Variants in ITIH5 observed in about 807,000 individuals in gnomAD.
The protein encoded by ITIH5 is inter-alpha-trypsin inhibitor heavy chain 5.
A neutral mutation model predicts 77.5 loss-of-function variants in ITIH5; 65 were observed. The observed-to-expected ratio is 0.84, with a 90% CI of 0.69 to 1.03. The LOEUF is 1.03. Ranked by LOEUF, ITIH5 falls within the 50% of genes least tolerant of loss-of-function variation. ITIH5 has a pLI of 0.00. For missense variants in ITIH5, 1,208 were observed against 1,213.1 expected, an observed-to-expected ratio of 1.00 and a Z score of 0.06; for synonymous variants, 525 against 494.3, an observed-to-expected ratio of 1.06 and a Z score of -0.82.
chr10:7,582,142 G>A (rs1158872524), intron 8 of ITIH5, among the ~76,000 whole-genome samples: 2 of 152,104 alleles, frequency 1.3e-5, no homozygotes, highest in Non-Finnish European at 2.9e-5. Context: ...CCAAAGTGCT[G>A]GGATTACTGG....
At chr10:7,596,520 G>A (rs1832900759) in intron 7 of ITIH5, among the ~76,000 whole-genome samples, 1 of 152,132 alleles carries the variant, frequency 6.6e-6, no homozygotes, top group Admixed American at 6.6e-5. Flanking sequence ...AGGTTTTTGA[G>A]CATAAGACAA....
At chr10:7,594,984 A>G (rs558838714) in intron 7 of ITIH5, among the ~76,000 whole-genome samples, 28 of 152,328 alleles carry the variant, frequency 1.8e-4, no homozygotes, top group African/African-American at 6.0e-4. Flanking sequence ...TAAAAGCACA[A>G]TCCATAGTGA....
chr10:7,644,954 CACAT>C (rs754275884), intron 2 of ITIH5, among the ~76,000 whole-genome samples: 11 of 10,462 alleles, frequency 1.1e-3, no homozygotes, highest in South Asian at 5.3e-3. Context: ...ATATATATCA[CACAT>C]ATATATATAT....
intron 7 of ITIH5, among the ~76,000 whole-genome samples, chr10:7,603,884 G>A (rs936110125): frequency 2.6e-5 from 4 of 152,134 alleles, no homozygotes; most frequent in African/African-American, 9.7e-5. Context: ...CGCCCGGCCT[G>A]ATATGGGTAT....
rs1469512497 is a variant in ITIH5 at position 7,560,837 on chromosome 10, A to G, written c.*2246T>C. 6.6e-6 allele frequency: 1 copy of G among 152,176 alleles called. No homozygotes were observed. Among genetic ancestry groups the G allele is most frequent in the Non-Finnish European group, 1.5e-5 (1 of 68,032 alleles). The allele number at this position is 152,176 out of a possible 1,614,324, so 9.4% of individuals were successfully genotyped here. On this transcript the variant is annotated 3_prime_UTR_variant, in exon 14 of 14. Coordinates refer to ENST00000397146, the MANE Select transcript of ITIH5 (RefSeq NM_030569.7). The stretch of plus-strand genomic sequence containing the variant: ...GTGAAACAGGGTCAAAGCAAACAAA[A>G]TGATTCTGGAGGTTCAGTGTAGCCC...
rs374871880 is a variant in ITIH5 at position 7,576,627 on chromosome 10, G to A, written c.1804C>T (p.Arg602Trp). ...SDDEPEKERL[R>W]QRAQALAVSY... ...ACAGCCAGGGCCTGGGCCCGCTGCC[G>A]CAGCCGCTCCTTCTCCGGTTCATCG... Residue 602 changes from arginine (R) to tryptophan (W), a missense_variant, in exon 10 of 14, where the codon CGG (arginine) becomes TGG (tryptophan). Coordinates refer to ENST00000397146, the MANE Select transcript of ITIH5 (RefSeq NM_030569.7). The A allele has an allele frequency of 3.8e-5, 61 of 1,613,792 alleles. No individual in the cohort carries two copies. The highest frequency in any genetic ancestry group is 4.3e-5 in the Non-Finnish European group (51 of 1,179,994).
intron 2 of ITIH5, among the ~76,000 whole-genome samples, chr10:7,650,805 G>C (rs1183302899): frequency 1.3e-5 from 2 of 151,748 alleles, no homozygotes; most frequent in Admixed American, 6.6e-5. Context: ...TTCCCCAACT[G>C]CTAGATTTAC....
At chr10:7,573,287 C>T (rs1832342238) in intron 10 of ITIH5, 92 bp from the exon 11 acceptor site, 2 of 1,041,874 alleles carry the variant, frequency 1.9e-6, no homozygotes, top group Admixed American at 1.8e-5. Flanking sequence ...GAGCAAAACA[C>T]AGCTTTTAGG....
chr10:7,640,905 T>A, intron 3 of ITIH5, 50 bp from the exon 4 acceptor site: 1 of 1,198,572 alleles, frequency 8.3e-7, no homozygotes, highest in East Asian at 2.3e-5. Flanking sequence ...CCAAGACAAA[T>A]TCAGACATGG....
chr10:7,616,339 A>G (rs1255979305), intron 6 of ITIH5, among the ~76,000 whole-genome samples: 6 of 152,190 alleles, frequency 3.9e-5, no homozygotes, highest in Non-Finnish European at 4.4e-5. Flanking sequence ...TACCAGTTCA[A>G]GTTTAATTAT....
chr10:7,652,662 G>A (rs765859314), intron 2 of ITIH5, among the ~76,000 whole-genome samples: 6 of 152,152 alleles, frequency 3.9e-5, no homozygotes, highest in East Asian at 1.9e-4. Flanking sequence ...TAGAGGCTAC[G>A]TGTACAAAGC....
Position 7,566,234 on chromosome 10 carries a change from A to C in ITIH5, c.2323T>G (p.Cys775Gly). 1 of 1,613,642 alleles carries C rather than the reference A, an allele frequency of 6.2e-7. No individual in the cohort carries two copies. Among genetic ancestry groups the C allele is most frequent in the Non-Finnish European group, 8.5e-7 (1 of 1,179,756 alleles). Residue 775 changes from cysteine (C) to glycine (G), a missense_variant, in exon 13 of 14, where the codon TGC (cysteine) becomes GGC (glycine). By Grantham distance (159) the Cys-to-Gly change is radical. Transcript: ENST00000397146. ...CTCCCCACCACCACACTCTGGTTGC[A>C]GGGGAGCACCAGTCTGTCCCCACCA... is the stretch of plus-strand genomic sequence containing the variant. Reference protein sequence around the residue: ...LDGGDRLVLPCNQSVVVGSWG... With the variant: ...LDGGDRLVLPGNQSVVVGSWG...
At chr10:7,602,936 C>T (rs1833044757) in intron 7 of ITIH5, among the ~76,000 whole-genome samples, 1 of 152,196 alleles carries the variant, frequency 6.6e-6, no homozygotes. Context: ...TCATTCCATG[C>T]AGGCTCCCCG....
At chr10:7,566,836 GAGGAAGAGGAAGAAGAAGAAGAAGAA>G (rs1832184533) in intron 12 of ITIH5, among the ~76,000 whole-genome samples, 1 of 45,292 alleles carries the variant, frequency 2.2e-5, no homozygotes, top group Non-Finnish European at 4.2e-5. Flanking sequence ...GGAAGAGGAA[GAGGAAGAGGAAGAAGAAGAAGAAGAA>G]GAAGAAGAAG....
intron 5 of ITIH5, among the ~76,000 whole-genome samples, chr10:7,627,770 G>A (rs1249213278): frequency 1.4e-5 from 2 of 140,632 alleles, no homozygotes; most frequent in Non-Finnish European, 3.1e-5. Flanking sequence ...CACCTAGAAT[G>A]TAATTTTTTC....
In ITIH5 at chr10:7,645,624, C is replaced by T. The variant is rs762800033; in HGVS notation, c.136-3534G>A. Reference sequence around the variant, plus strand: ...TCCACATCTGTGATCCACAGATTTACGGCAAAGCTAAAACTGAGGAATAAA... The same window carrying T: ...TCCACATCTGTGATCCACAGATTTATGGCAAAGCTAAAACTGAGGAATAAA... On this transcript the variant is annotated intron_variant, in intron 2 of 13. Coordinates refer to ENST00000397146, the MANE Select transcript of ITIH5 (RefSeq NM_030569.7). Among the ~76,000 whole-genome samples the T allele has an allele frequency of 1.4e-4, 22 of 152,138 alleles. 1 individual carries two copies. The highest frequency in any genetic ancestry group is 1.8e-4 in the Non-Finnish European group (12 of 68,026).
rs557292030 is a variant in ITIH5, at chr10:7,659,589, C to A, written c.91-3914G>T. 3.9e-5 allele frequency among the ~76,000 whole-genome samples: 6 copies of A among 152,168 alleles called. No homozygotes were observed. The East Asian group carries it at 9.7e-4, about 25-fold the overall frequency. On this transcript the variant is annotated intron_variant, in intron 1 of 13. Transcript: ENST00000397146. The stretch of plus-strand genomic sequence containing the variant: ...ACTATGGTCAGAAGGAAAGCCCAGC[C>A]CCTCTCAGGTATTAAGTTCCCTGAT...
chr10:7,624,857 G>GTATATACATGTATATACACATATATGTA lies in ITIH5; in HGVS notation c.653-7576_653-7575insTACATATATGTGTATATACATGTATATA. Among the ~76,000 whole-genome samples, 10 of 56,124 alleles carry GTATATACATGTATATACACATATATGTA rather than the reference G, an allele frequency of 1.8e-4. 2 individuals carry two copies. In the South Asian group the frequency reaches 4.0e-3, roughly 23 times the overall value. 36.8% of individuals were successfully genotyped at this position (56,124 alleles called of 152,430 possible). On this transcript the variant is annotated intron_variant, in intron 5 of 13. Coordinates refer to ENST00000397146, the MANE Select transcript of ITIH5 (RefSeq NM_030569.7). ...TACATGTATATACACATATATATGT[G>GTATATACATGTATATACACATATATGTA]TATATATGTATATATGTATGTATAT...
chr10:7,563,292 C>T lies in ITIH5; in HGVS notation c.2620G>A (p.Gly874Arg), dbSNP rs747349397. Residue 874 changes from glycine to arginine, a missense_variant, in exon 14 of 14, where the codon GGG (glycine) becomes AGG (arginine). Gly to Arg is a moderately radical substitution (Grantham distance 125). Transcript: ENST00000397146. ...TTCACTGTTAGGACGGCCTCAGGCC[C>T]CTCTCCCACCTGAAGGAGCAGAGGG... ...THPLLLQVGEGPEAVLTVKGH... is the reference protein window; with the variant it reads ...THPLLLQVGERPEAVLTVKGH... 4 of 1,614,092 alleles carry T rather than the reference C, an allele frequency of 2.5e-6. No individual in the cohort carries two copies. In the African/African-American group the frequency reaches 5.3e-5, roughly 22 times the overall value.
Sources: gnomAD v4.1 joint callset for allele counts (sites outside exome capture counted in the v4.1 genomes callset) on GRCh38, gnomAD v4.1.1 for gene constraint, MANE v1.5 for transcripts, NCBI Gene and HGNC (gene_info 2026-07-23, HGNC 2026-07-21) for gene names.